The following GATAD2A variants were observed in gnomAD, a reference collection of about 807,000 sequenced individuals.
GATAD2A encodes transcriptional repressor p66-alpha.
In GATAD2A, 12 loss-of-function variants were observed where a neutral mutation model predicts 68.5. That is an observed-to-expected ratio of 0.18 (90% CI 0.11 to 0.28). The LOEUF is 0.28. GATAD2A is among the 10% of genes least tolerant of loss of function. The pLI, the probability that GATAD2A is intolerant of heterozygous loss-of-function variation, is 1.00. For missense variants in GATAD2A, 755 were observed against 868.5 expected (o/e 0.87, Z 1.64); for synonymous variants, 410 against 375.3 (o/e 1.09, Z -1.07).
intron 2 of GATAD2A, among the ~76,000 whole-genome samples, chr19:19,471,321 A>T (rs890098877): frequency 2.0e-5 from 3 of 152,010 alleles, no homozygotes; most frequent in African/African-American, 7.3e-5. Flanking sequence ...CTACCTCTAT[A>T]TACCAGATTA....
Position 19,456,389 on chromosome 19 carries a change from GGCAA to G in GATAD2A, c.-6-8947_-6-8944del, listed in dbSNP as rs1432583519. Among the ~76,000 whole-genome samples, 65 of 152,054 alleles carry G rather than the reference GGCAA, an allele frequency of 4.3e-4. 1 individual carries two copies. Among genetic ancestry groups the G allele is most frequent in the Non-Finnish European group, 8.8e-5 (6 of 68,022 alleles). On this transcript the variant is annotated intron_variant, in intron 1 of 11. Coordinates refer to ENST00000683918, the MANE Select transcript of GATAD2A (RefSeq NM_001384528.1). Reference sequence around the variant, plus strand: ...GAAATGGCAGCCCACCCATGCTCACGGCAAGCAGTAAGTTTTCCCCGAGGTGAGG... The same window carrying G: ...GAAATGGCAGCCCACCCATGCTCACGGCAGTAAGTTTTCCCCGAGGTGAGG...
Position 19,501,153 on chromosome 19 carries a change from G to C in GATAD2A, c.1240G>C (p.Glu414Gln). ...GTCGGCCGCCACTGTGCTGTCCCGG[G>C]AGCCCTACATGTGTGCACAGTGCAA... ...RMSAATVLSR[E>Q]PYMCAQCKTD... The change falls in exon 9 of 12, where the codon GAG becomes CAG. Residue 414 changes from glutamate (E) to glutamine (Q), a missense_variant. By Grantham distance (29) the Glu-to-Gln change is conservative (BLOSUM62 2). Coordinates refer to ENST00000683918, the MANE Select transcript of GATAD2A (RefSeq NM_001384528.1). 1 of 1,613,148 alleles carries C rather than the reference G, an allele frequency of 6.2e-7. No homozygotes were observed. Among genetic ancestry groups the C allele is most frequent in the Non-Finnish European group, 8.5e-7 (1 of 1,179,770 alleles).
chr19:19,482,798 C>T (rs1029478942), intron 2 of GATAD2A, among the ~76,000 whole-genome samples: 2 of 152,182 alleles, frequency 1.3e-5, no homozygotes, highest in Non-Finnish European at 2.9e-5. Context: ...ATGTGTCTTC[C>T]TGTATTTCTA....
intron 1 of GATAD2A, among the ~76,000 whole-genome samples, chr19:19,416,953 G>T (rs993798340): frequency 2.0e-5 from 3 of 151,962 alleles, no homozygotes; most frequent in Admixed American, 6.6e-5. Context: ...GTAGAGACAG[G>T]GTTTCACCAT....
rs553708438 is a variant in GATAD2A, at chr19:19,465,220, A to T, written c.-6-120A>T. On this transcript the variant is annotated intron_variant, in intron 1 of 11. Coordinates refer to ENST00000683918, the MANE Select transcript of GATAD2A (RefSeq NM_001384528.1). ...TTTCTGGGCCCTGCGTTTGTTGTAC[A>T]TTCTTTTGCCATCCTTCCCATAGGG... 6.5e-6 allele frequency: 5 copies of T among 766,636 alleles called. No homozygotes were observed. In the East Asian group the frequency reaches 1.2e-4, roughly 19 times the overall value. The allele number at this position is 766,636 out of a possible 1,614,324, so 47.5% of individuals were successfully genotyped here. A position where few individuals can be genotyped will look rare whatever the true frequency, so the allele number is the denominator to read the frequency against.
intron 1 of GATAD2A, among the ~76,000 whole-genome samples, chr19:19,396,860 C>T (rs956392581): frequency 1.1e-4 from 17 of 152,068 alleles, no homozygotes; most frequent in Non-Finnish European, 1.9e-4. Flanking sequence ...AGGCGCCTGC[C>T]ACCATGCAGG....
At chr19:19,475,603 G>A (rs539950327) in intron 2 of GATAD2A, among the ~76,000 whole-genome samples, 46 of 152,226 alleles carry the variant, frequency 3.0e-4, no homozygotes, top group African/African-American at 1.0e-3. Context: ...GGTGGCCCCA[G>A]GGAGTGCCTT....
At chr19:19,435,773 C>G (rs1350648360) in intron 1 of GATAD2A, among the ~76,000 whole-genome samples, 2 of 152,102 alleles carry the variant, frequency 1.3e-5, no homozygotes, top group Non-Finnish European at 2.9e-5. Flanking sequence ...TCGTGTGAAC[C>G]CAGGGGTCAG....
chr19:19,409,316 C>CT (rs1374253270), intron 1 of GATAD2A, among the ~76,000 whole-genome samples: 1 of 152,050 alleles, frequency 6.6e-6, no homozygotes. Flanking sequence ...TTGTAGAAAA[C>CT]TAGGAAGATT....
At chr19:19,421,555 C>G (rs1352990769) in intron 1 of GATAD2A, among the ~76,000 whole-genome samples, 1 of 152,138 alleles carries the variant, frequency 6.6e-6, no homozygotes, top group African/African-American at 2.4e-5. Flanking sequence ...GGACCAACGG[C>G]TTAGAATTGT....
At chr19:19,451,367 G>A (rs1021712601) in intron 1 of GATAD2A, among the ~76,000 whole-genome samples, 6 of 152,202 alleles carry the variant, frequency 3.9e-5, no homozygotes, top group Admixed American at 2.6e-4. Flanking sequence ...ATGACAGCCA[G>A]GTGGGCTGTG....
At chr19:19,490,277 T>C (rs2059701586) in intron 2 of GATAD2A, among the ~76,000 whole-genome samples, 1 of 152,088 alleles carries the variant, frequency 6.6e-6, no homozygotes, top group African/African-American at 2.4e-5. Context: ...AGTAAAGCGG[T>C]TCCTGAGTCC....
chr19:19,463,534 C>T (rs2057630362), intron 1 of GATAD2A, among the ~76,000 whole-genome samples: 1 of 150,824 alleles, frequency 6.6e-6, no homozygotes, highest in Non-Finnish European at 1.5e-5. Flanking sequence ...ACAGGGTGGC[C>T]GGGGGCAGCG....
intron 1 of GATAD2A, among the ~76,000 whole-genome samples, chr19:19,393,875 C>T (rs80346352): frequency 0.014 from 2,171 of 151,510 alleles, 56 homozygotes; most frequent in African/African-American, 0.05. Flanking sequence ...GGAGCATTTT[C>T]AGGTTTGCCT....
rs750330206 is a variant in GATAD2A at position 19,502,016 on chromosome 19, C to T, written c.1551C>T (p.Arg517=). The T allele has an allele frequency of 8.1e-6, 13 of 1,613,608 alleles. No homozygotes were observed. The highest frequency in any genetic ancestry group is 5.3e-5 in the African/African-American group (4 of 74,940). ...TGGCGTTCCGCTCAGGAGAGGCCCG[C>T]GACTGGAGTAACGGGGCTGTGCTAC... The part of the protein sequence containing the change: ...RKLAFRSGEA[R]DWSNGAVLQA... Residue 517 remains arginine (R), a synonymous_variant, in exon 10 of 12, where the codon CGC becomes CGT. Coordinates refer to ENST00000683918, the MANE Select transcript of GATAD2A (RefSeq NM_001384528.1).
intron 1 of GATAD2A, among the ~76,000 whole-genome samples, chr19:19,394,232 C>T (rs949602177): frequency 1.9e-4 from 29 of 151,942 alleles, no homozygotes; most frequent in African/African-American, 7.0e-4. Context: ...TTTTGGAATC[C>T]TGTGGCATTT....
intron 2 of GATAD2A, among the ~76,000 whole-genome samples, chr19:19,470,213 C>T (rs1039186716): frequency 7.5e-5 from 11 of 147,042 alleles, no homozygotes; most frequent in African/African-American, 1.5e-4. Context: ...TGCAGTGGCA[C>T]GATCTCCACC....
intron 1 of GATAD2A, among the ~76,000 whole-genome samples, chr19:19,387,969 C>G (rs1418983475): frequency 6.6e-6 from 1 of 152,138 alleles, no homozygotes; most frequent in Non-Finnish European, 1.5e-5. Context: ...TTGCCTCCCA[C>G]TTGCCCTCTT....
rs201471721 is a variant in GATAD2A at position 19,502,514 on chromosome 19, C to T, written c.1762C>T (p.Pro588Ser). 8 of 1,610,628 alleles carry T rather than the reference C, an allele frequency of 5.0e-6. No homozygotes were observed. The highest frequency in any genetic ancestry group is 5.1e-6 in the Non-Finnish European group (6 of 1,178,396). Residue 588 changes from proline (P) to serine (S), a missense_variant, in exon 11 of 12, where the codon CCC becomes TCC. Physicochemically the swap from Pro to Ser is moderately conservative, Grantham distance 74. Transcript: ENST00000683918. ...CGCCACCTCCAACTGGAAGAAGACGCCCCTCAGCACAGGTGGGTGACCTCC... is the reference window on the plus strand; with the variant it reads ...CGCCACCTCCAACTGGAAGAAGACGTCCCTCAGCACAGGTGGGTGACCTCC... ...GSATSNWKKTPLSTGGTLAFV... is the reference protein window; with the variant it reads ...GSATSNWKKTSLSTGGTLAFV...
Sources: allele counts gnomAD v4.1 joint callset (sites outside exome capture counted in the v4.1 genomes callset), GRCh38; gene constraint gnomAD v4.1.1; transcripts MANE v1.5; gene names NCBI Gene and HGNC (gene_info 2026-07-23, HGNC 2026-07-21).